MKLN1: variants seen among roughly 807,000 people sequenced by gnomAD.
MKLN1 encodes the protein muskelin.
A neutral mutation model predicts 99.0 loss-of-function variants in MKLN1; 18 were observed. That is an observed-to-expected ratio of 0.18 (90% CI 0.13 to 0.27). The LOEUF is 0.27. MKLN1 is among the 10% of genes least tolerant of loss of function. MKLN1 has a pLI of 1.00. For missense variants in MKLN1, 621 were observed against 875.9 expected (o/e 0.71, Z 3.67); for synonymous variants, 288 against 293.2 (o/e 0.98, Z 0.18).
chr7:131,447,457 T>C (rs1428278307), intron 12 of MKLN1, among the ~76,000 whole-genome samples: 1 of 152,128 alleles, frequency 6.6e-6, no homozygotes, highest in African/African-American at 2.4e-5. Flanking sequence ...CCCAGCACTT[T>C]GGGAGGCTAA....
At chr7:131,263,068 T>G (rs1797756588) in intron 3 of MKLN1, among the ~76,000 whole-genome samples, 1 of 152,048 alleles carries the variant, frequency 6.6e-6, no homozygotes, top group African/African-American at 2.4e-5. Context: ...TTGATAAGAG[T>G]GAAACGTTTT....
At chr7:131,227,414 T>A (rs1326301992) in intron 3 of MKLN1, among the ~76,000 whole-genome samples, 3 of 151,236 alleles carry the variant, frequency 2.0e-5, no homozygotes, top group Admixed American at 2.0e-4. Flanking sequence ...TCTTTCCCTC[T>A]CTCTCTTTCT....
At chr7:131,184,956 T>C (rs1046435874) in intron 2 of MKLN1, among the ~76,000 whole-genome samples, 1 of 152,196 alleles carries the variant, frequency 6.6e-6, no homozygotes, top group Non-Finnish European at 1.5e-5. Context: ...ATGGATCTAC[T>C]GTATAACTTG....
At chr7:131,216,355 G>A (rs567516707) in intron 3 of MKLN1, among the ~76,000 whole-genome samples, 8 of 151,486 alleles carry the variant, frequency 5.3e-5, no homozygotes, top group South Asian at 2.1e-4. Context: ...ACCAGGAGGC[G>A]GAGGTTGCAG....
intron 3 of MKLN1, among the ~76,000 whole-genome samples, chr7:131,297,602 A>G (rs1798312662): frequency 6.6e-6 from 1 of 152,116 alleles, no homozygotes; most frequent in Non-Finnish European, 1.5e-5. Flanking sequence ...GAGGGATGAT[A>G]CAATTTTTAT....
intron 1 of MKLN1, among the ~76,000 whole-genome samples, chr7:131,121,885 C>T (rs1563221910): frequency 6.6e-6 from 1 of 152,022 alleles, no homozygotes; most frequent in Non-Finnish European, 1.5e-5. Flanking sequence ...GGGTCCAGGT[C>T]TAATCCTTGA....
chr7:131,242,114 C>G lies in MKLN1; in HGVS notation c.-179+39140C>G, dbSNP rs563557239. On this transcript the variant is annotated intron_variant, in intron 3 of 7. Transcript: ENST00000416992. ...ACACCTAAGATTAAATACAGCAAAT[C>G]TGCTGGTAATGGAAAATTAGCTGGC... is the stretch of plus-strand genomic sequence containing the variant. 8.2e-4 allele frequency among the ~76,000 whole-genome samples: 125 copies of G among 152,348 alleles called. 1 individual carries two copies. Among genetic ancestry groups the G allele is most frequent in the African/African-American group, 2.9e-3 (121 of 41,586 alleles).
At chr7:131,298,868 C>T (rs762582339) in intron 3 of MKLN1, among the ~76,000 whole-genome samples, 1 of 152,104 alleles carries the variant, frequency 6.6e-6, no homozygotes, top group Non-Finnish European at 1.5e-5. Flanking sequence ...AACTATCAAG[C>T]GAAATACTGA....
In MKLN1 at chr7:131,155,120, G is replaced by A. The variant is rs573270394; in HGVS notation, c.-297+12179G>A. Among the ~76,000 whole-genome samples, 16 of 152,240 alleles carry A rather than the reference G, an allele frequency of 1.1e-4. 1 individual carries two copies. The highest frequency in any genetic ancestry group is 6.2e-4 in the South Asian group (3 of 4,826). On this transcript the variant is annotated intron_variant, in intron 2 of 7. Transcript: ENST00000416992. ...TACCATATGGAAAAATTACACTGCT[G>A]TAACATTTTCATATTTACATTAATA...
intron 6 of MKLN1, among the ~76,000 whole-genome samples, chr7:131,408,024 A>G (rs1168800043): frequency 6.6e-6 from 1 of 152,030 alleles, no homozygotes; most frequent in African/African-American, 2.4e-5. Context: ...TTATTCTCCT[A>G]GGCCTTTTAC....
chr7:131,155,647 A>G (rs1335296438), intron 2 of MKLN1, among the ~76,000 whole-genome samples: 3 of 152,220 alleles, frequency 2.0e-5, no homozygotes, highest in Admixed American at 1.3e-4. Flanking sequence ...TGAAAGAAAA[A>G]AAAAGTAGAT....
At chr7:131,336,777 A>G (rs1799262271) in intron 1 of MKLN1, among the ~76,000 whole-genome samples, 1 of 152,162 alleles carries the variant, frequency 6.6e-6, no homozygotes, top group Non-Finnish European at 1.5e-5. Flanking sequence ...TCACGTCTAC[A>G]TTTAAATCCA....
intron 16 of MKLN1, among the ~76,000 whole-genome samples, chr7:131,475,546 G>T (rs550380302): frequency 1.2e-4 from 19 of 152,308 alleles, no homozygotes; most frequent in African/African-American, 4.6e-4. Context: ...GGGCGTGGTG[G>T]CTCACGCTTG....
chr7:131,423,129 C>T (rs1052819222), intron 8 of MKLN1, among the ~76,000 whole-genome samples: 4 of 152,264 alleles, frequency 2.6e-5, no homozygotes, highest in African/African-American at 7.2e-5. Flanking sequence ...ACTCTCATTA[C>T]GTTCTGAGAA....
chr7:131,134,384 ATTGT>A (rs1795616442), intron 1 of MKLN1, among the ~76,000 whole-genome samples: 1 of 151,118 alleles, frequency 6.6e-6, no homozygotes, highest in Admixed American at 6.6e-5. Context: ...GGTCCTTTTC[ATTGT>A]TTGTCTGCCC....
chr7:131,374,401 TA>T (rs1482163318), intron 1 of MKLN1, among the ~76,000 whole-genome samples: 1 of 152,150 alleles, frequency 6.6e-6, no homozygotes, highest in African/African-American at 2.4e-5. Context: ...TATATTATAT[TA>T]CGGTAAACAC....
At chr7:131,264,638 G>A (rs542084097) in intron 3 of MKLN1, among the ~76,000 whole-genome samples, 4 of 152,040 alleles carry the variant, frequency 2.6e-5, no homozygotes, top group African/African-American at 7.2e-5. Context: ...TTGGGTCCCC[G>A]GAGGGTTTTT....
At chr7:131,374,013 GGGTT>G (rs1235247570) in intron 1 of MKLN1, among the ~76,000 whole-genome samples, 66 of 151,832 alleles carry the variant, frequency 4.3e-4, no homozygotes, top group Non-Finnish European at 3.1e-4. Context: ...GGTTAGGCTG[GGGTT>G]ATTTGTATCA....
At chr7:131,237,250 C>T (rs1037119174) in intron 3 of MKLN1, among the ~76,000 whole-genome samples, 2 of 152,134 alleles carry the variant, frequency 1.3e-5, no homozygotes, top group African/African-American at 2.4e-5. Context: ...ATGAGTTTAA[C>T]GTTTCCAGGC....
Sources: allele counts gnomAD v4.1 joint callset (sites outside exome capture counted in the v4.1 genomes callset), GRCh38; gene constraint gnomAD v4.1.1; transcripts MANE v1.5; gene names NCBI Gene and HGNC (gene_info 2026-07-23, HGNC 2026-07-21).